The following SLC9B1 variants were observed in gnomAD, a reference collection of about 807,000 sequenced individuals.
SLC9B1 encodes sodium/hydrogen exchanger 9B1.
A neutral mutation model predicts 51.7 loss-of-function variants in SLC9B1; 32 were observed. That is an observed-to-expected ratio of 0.62 (90% CI 0.47 to 0.83). The LOEUF is 0.83. SLC9B1 is among the 40% of genes least tolerant of loss of function. The pLI, the probability that SLC9B1 is intolerant of heterozygous loss-of-function variation, is 0.00. For synonymous variants in SLC9B1, 145 were observed against 212.7 expected (o/e 0.68, Z 2.77); for missense variants, 406 against 613.2 (o/e 0.66, Z 3.57).
intron 3 of SLC9B1, among the ~76,000 whole-genome samples, chr4:102,977,596 C>A (rs1378150010): frequency 1.3e-5 from 2 of 152,092 alleles, no homozygotes; most frequent in East Asian, 1.9e-4. Flanking sequence ...ATGTTGAGAA[C>A]GTTTTTGGGA....
At chr4:102,996,402 T>G (rs1353834015) in intron 1 of SLC9B1, among the ~76,000 whole-genome samples, 1 of 152,222 alleles carries the variant, frequency 6.6e-6, no homozygotes, top group African/African-American at 2.4e-5. Flanking sequence ...ATTTATTCTT[T>G]CCTTTCTTTA....
At chr4:102,939,421 A>C (rs1419092022) in intron 6 of SLC9B1, among the ~76,000 whole-genome samples, 1 of 148,698 alleles carries the variant, frequency 6.7e-6, no homozygotes, top group Non-Finnish European at 1.5e-5. Flanking sequence ...AAAAAAAAAA[A>C]AAAAAAAGCA....
chr4:102,966,761 G>A (rs1426179759), intron 3 of SLC9B1, among the ~76,000 whole-genome samples: 1 of 152,130 alleles, frequency 6.6e-6, no homozygotes, highest in Non-Finnish European at 1.5e-5. Flanking sequence ...AATCTCTTTA[G>A]TATTGGTTGT....
chr4:102,938,236 CA>C (rs1160752455), intron 6 of SLC9B1, among the ~76,000 whole-genome samples: 2 of 152,078 alleles, frequency 1.3e-5, no homozygotes, highest in African/African-American at 4.8e-5. Flanking sequence ...CTAATTCAGA[CA>C]AAATAGACTT....
chr4:102,903,101 T>C (rs557094379), intron 11 of SLC9B1, among the ~76,000 whole-genome samples: 2 of 152,324 alleles, frequency 1.3e-5, no homozygotes, highest in Non-Finnish European at 1.5e-5. Context: ...GTGTAGAAGC[T>C]AGCCTGAAGC....
At chr4:102,921,190 C>A (rs1212592970) in intron 7 of SLC9B1, among the ~76,000 whole-genome samples, 1 of 152,130 alleles carries the variant, frequency 6.6e-6, no homozygotes, top group Non-Finnish European at 1.5e-5. Context: ...AAAGGGAAGC[C>A]CATCAGACTA....
At chr4:102,911,870 C>T (rs1442067052) in intron 7 of SLC9B1, 71 of 195,710 alleles carry the variant, frequency 3.6e-4, no homozygotes, top group Admixed American at 1.0e-3. Flanking sequence ...CAGTGGCTCA[C>T]GCCTGTAATC....
chr4:103,014,084 A>G (rs1741204961), intron 1 of SLC9B1, among the ~76,000 whole-genome samples: 1 of 152,196 alleles, frequency 6.6e-6, no homozygotes, highest in Non-Finnish European at 1.5e-5. Context: ...AACTCCTTAC[A>G]TTCAGCTTAT....
chr4:102,993,315 G>A (rs1308298214), intron 1 of SLC9B1, among the ~76,000 whole-genome samples: 1 of 152,160 alleles, frequency 6.6e-6, no homozygotes, highest in Non-Finnish European at 1.5e-5. Context: ...AAAACAAAGA[G>A]GCTACAGACC....
At chr4:102,950,492 T>A (rs993337397) in intron 3 of SLC9B1, among the ~76,000 whole-genome samples, 4 of 152,232 alleles carry the variant, frequency 2.6e-5, no homozygotes, top group Non-Finnish European at 5.9e-5. Flanking sequence ...TGAATCATAA[T>A]TGCTAATGCT....
chr4:103,014,416 A>G (rs1473850158), intron 1 of SLC9B1, among the ~76,000 whole-genome samples: 1 of 152,216 alleles, frequency 6.6e-6, no homozygotes, highest in East Asian at 1.9e-4. Flanking sequence ...CATCATTTTT[A>G]AATTTGACAA....
chr4:103,005,350 T>C lies in SLC9B1; in HGVS notation c.-1-13638A>G, dbSNP rs1182977592. ...TTAAACAAACAGTGATGAAAAAAGA[T>C]GACAAAGAAGGACATTACATAATGG... On this transcript the variant is annotated intron_variant, in intron 1 of 11. Transcript: ENST00000296422. 4.7e-5 allele frequency among the ~76,000 whole-genome samples: 7 copies of C among 150,268 alleles called. No individual in the cohort carries two copies. The East Asian group carries it at 1.4e-3, about 29-fold the overall frequency.
chr4:102,976,246 T>C (rs889465876), intron 3 of SLC9B1, among the ~76,000 whole-genome samples: 1 of 151,764 alleles, frequency 6.6e-6, no homozygotes, highest in African/African-American at 2.4e-5. Context: ...GTTTTCATAC[T>C]CCAGAGATGA....
chr4:102,967,086 T>C (rs1738469197), intron 3 of SLC9B1, among the ~76,000 whole-genome samples: 1 of 152,224 alleles, frequency 6.6e-6, no homozygotes, highest in Non-Finnish European at 1.5e-5. Context: ...TTGTTCCTCA[T>C]TTCTATCTGA....
At chr4:102,905,735 T>C (rs1735015219) in intron 10 of SLC9B1, 85 bp from the exon 11 acceptor site, 2 of 1,339,114 alleles carry the variant, frequency 1.5e-6, no homozygotes, top group East Asian at 4.7e-5. Flanking sequence ...TCTAAAACTT[T>C]TGAAAACATT....
chr4:102,984,928 T>C (rs146992225), intron 3 of SLC9B1, among the ~76,000 whole-genome samples: 16 of 152,292 alleles, frequency 1.1e-4, no homozygotes, highest in Middle Eastern at 3.4e-3. Context: ...GCAATCCTCC[T>C]ATTCAGCCTC....
chr4:102,950,820 G>A (rs1179894503), intron 3 of SLC9B1, among the ~76,000 whole-genome samples: 6 of 151,990 alleles, frequency 3.9e-5, no homozygotes, highest in Non-Finnish European at 4.4e-5. Flanking sequence ...ATGGTGAAAC[G>A]CTGTCTCTAT....
In SLC9B1 at chr4:102,923,813, CAA is replaced by C. The variant is rs2110447548; in HGVS notation, c.829+8309_829+8310del. 2.0e-5 allele frequency among the ~76,000 whole-genome samples: 3 copies of C among 152,210 alleles called. No individual in the cohort carries two copies. The South Asian group carries it at 6.2e-4, about 32-fold the overall frequency. ...AGTGAACTCCCATTCACAATTGCTTCAAAGAGAATAAAATACCTAGGAATCCA... is the reference window on the plus strand; with the variant it reads ...AGTGAACTCCCATTCACAATTGCTTCAGAGAATAAAATACCTAGGAATCCA... On this transcript the variant is annotated intron_variant, in intron 7 of 11. Transcript: ENST00000296422.
intron 11 of SLC9B1, chr4:102,889,293 A>C (rs1168788001): frequency 6.6e-6 from 1 of 152,354 alleles, no homozygotes; most frequent in Non-Finnish European, 1.5e-5. Flanking sequence ...AACACTGTTA[A>C]GGGGCCTCAC....
Sources: allele counts gnomAD v4.1 joint callset (sites outside exome capture counted in the v4.1 genomes callset), GRCh38; gene constraint gnomAD v4.1.1; transcripts MANE v1.5; gene names NCBI Gene and HGNC (gene_info 2026-07-23, HGNC 2026-07-21).